ZC2HC1A: variants seen among roughly 807,000 people sequenced by gnomAD.
The protein encoded by ZC2HC1A is zinc finger C2HC domain-containing protein 1A.
In ZC2HC1A, 28 loss-of-function variants were observed where a neutral mutation model predicts 40.7. That is an observed-to-expected ratio of 0.69 (90% confidence interval 0.51 to 0.94). ZC2HC1A has a LOEUF of 0.94. Among genes scored for constraint, ZC2HC1A ranks in the 40% least tolerant of loss-of-function variants. The probability of loss-of-function intolerance (pLI) is 0.00; values close to 1 mark genes in which losing one functional copy is unlikely to be tolerated. For synonymous variants in ZC2HC1A, 129 were observed against 129.2 expected (o/e 1.00, Z 0.01); for missense variants, 389 against 386.3 (o/e 1.01, Z -0.06).
intron 1 of ZC2HC1A, among the ~76,000 whole-genome samples, chr8:78,672,085 A>C (rs2130416021): frequency 1.3e-5 from 2 of 152,276 alleles, no homozygotes; most frequent in Admixed American, 1.3e-4. Context: ...GAAGTTAGAT[A>C]ATGTAAGACA....
At chr8:78,690,442 C>A (rs1468632436) in intron 5 of ZC2HC1A, among the ~76,000 whole-genome samples, 2 of 151,958 alleles carry the variant, frequency 1.3e-5, no homozygotes, top group Non-Finnish European at 2.9e-5. Flanking sequence ...CGCCTGTAGT[C>A]CCAGCTACTT....
At chr8:78,667,131 A>G (rs887164676) in intron 1 of ZC2HC1A, among the ~76,000 whole-genome samples, 1 of 152,220 alleles carries the variant, frequency 6.6e-6, no homozygotes, top group Non-Finnish European at 1.5e-5. Context: ...GTTGCATGCC[A>G]GGGAGTAAAA....
At chr8:78,717,260 C>T (rs1811135533) in intron 8 of ZC2HC1A, 68 bp from the exon 9 acceptor site, 2 of 1,407,880 alleles carry the variant, frequency 1.4e-6, no homozygotes, top group Admixed American at 2.3e-5. Flanking sequence ...TGTCCTGTTT[C>T]TCCAGGGTTA....
At chr8:78,689,123 T>C (rs1810123210) in intron 4 of ZC2HC1A, 99 bp from the exon 5 acceptor site, 3 of 859,944 alleles carry the variant, frequency 3.5e-6, no homozygotes. Context: ...CAGATGTTAT[T>C]ACTTATATTT....
intron 5 of ZC2HC1A, among the ~76,000 whole-genome samples, chr8:78,695,603 G>C (rs1280290011): frequency 1.3e-5 from 2 of 152,024 alleles, no homozygotes; most frequent in East Asian, 1.9e-4. Flanking sequence ...GTTAGAGCTT[G>C]TTTTCCCTAT....
At chr8:78,678,724 A>G (rs764944686) in intron 3 of ZC2HC1A, 45 bp downstream of exon 3, 3 of 1,332,728 alleles carry the variant, frequency 2.3e-6, no homozygotes, top group African/African-American at 3.0e-5. Context: ...GGTGTTATGT[A>G]TGTTGAAAAA....
At chr8:78,709,741 A>G (rs955921439) in intron 7 of ZC2HC1A, among the ~76,000 whole-genome samples, 2 of 151,998 alleles carry the variant, frequency 1.3e-5, no homozygotes, top group Non-Finnish European at 2.9e-5. Context: ...AAAAAATTTC[A>G]TAATGTTTTA....
intron 7 of ZC2HC1A, among the ~76,000 whole-genome samples, chr8:78,706,577 G>A (rs1018087210): frequency 5.3e-5 from 8 of 151,998 alleles, no homozygotes; most frequent in African/African-American, 1.9e-4. Flanking sequence ...GCTCTGTGTC[G>A]CTCCAAGGTG....
At position 78,698,513 on chromosome 8, in the gene ZC2HC1A, G is replaced by A; in HGVS notation, c.704G>A (p.Gly235Glu). The A allele has an allele frequency of 6.3e-7, 1 of 1,596,112 alleles. No homozygotes were observed. Among genetic ancestry groups the A allele is most frequent in the Non-Finnish European group, 8.6e-7 (1 of 1,167,106 alleles). The change falls in exon 7 of 9, where the codon GGA (glycine) becomes GAA (glutamate). Residue 235 changes from glycine to glutamate, a missense_variant and splice_region_variant. By Grantham distance (98) the Gly-to-Glu change is moderately conservative. Coordinates refer to ENST00000263849, the MANE Select transcript of ZC2HC1A (RefSeq NM_016010.3). ...SHKGIAAPHAGANVKPRNSTP... is the reference protein window; with the variant it reads ...SHKGIAAPHAEANVKPRNSTP... ...AAAGGGATAGCAGCCCCTCATGCAG[G>A]GTAAGTCTACACTGGATATAATTAT...
intron 3 of ZC2HC1A, among the ~76,000 whole-genome samples, chr8:78,684,359 G>A (rs1435943647): frequency 4.6e-5 from 7 of 152,214 alleles, no homozygotes; most frequent in Non-Finnish European, 7.3e-5. Flanking sequence ...AGGCAAGAGC[G>A]TGTGTGCAGG....
chr8:78,678,570 A>G lies in ZC2HC1A; in HGVS notation c.101A>G (p.His34Arg). ...ATTTCTTTATCTTAACAGAAAAAAC[A>G]TGGACCCATTTGCCAGAAGACTGCA... ...RTFFPVALKK[H>R]GPICQKTATK... The change falls in exon 3 of 9, where the codon CAT becomes CGT. Residue 34 changes from histidine (H) to arginine (R), a missense_variant. Coordinates refer to ENST00000263849, the MANE Select transcript of ZC2HC1A (RefSeq NM_016010.3). The G allele has an allele frequency of 6.2e-7, 1 of 1,609,240 alleles. No individual in the cohort carries two copies. Among genetic ancestry groups the G allele is most frequent in the Non-Finnish European group, 8.5e-7 (1 of 1,178,318 alleles).
chr8:78,692,867 G>T (rs1363980025), intron 5 of ZC2HC1A, among the ~76,000 whole-genome samples: 1 of 151,982 alleles, frequency 6.6e-6, no homozygotes, highest in East Asian at 1.9e-4. Flanking sequence ...ATCTCCTAAT[G>T]CTATCCCTCC....
rs1019461343 is a variant in ZC2HC1A at position 78,686,198 on chromosome 8, T to C, written c.211-269T>C. On this transcript the variant is annotated intron_variant, in intron 3 of 8. Transcript: ENST00000263849. The stretch of plus-strand genomic sequence containing the variant: ...GGAACATTGAACCACAGCAACAGTC[T>C]TAGTGGGAGGATAAATAGATGTAAC... Among the ~76,000 whole-genome samples, 4 of 152,118 alleles carry C rather than the reference T, an allele frequency of 2.6e-5. No homozygotes were observed. In the East Asian group the frequency reaches 7.7e-4, roughly 29 times the overall value.
chr8:78,716,413 G>A (rs1037806802), intron 8 of ZC2HC1A, among the ~76,000 whole-genome samples: 3 of 151,946 alleles, frequency 2.0e-5, no homozygotes, highest in Non-Finnish European at 2.9e-5. Context: ...GTGAGCCACC[G>A]CACCCGGCCT....
chr8:78,715,160 A>T, intron 7 of ZC2HC1A, 61 bp from the exon 8 acceptor site: 1 of 1,435,340 alleles, frequency 7.0e-7, no homozygotes, highest in South Asian at 1.3e-5. Context: ...GTGAATAGGT[A>T]ATTTGAGAAA....
chr8:78,679,428 A>G (rs1809691055), intron 3 of ZC2HC1A: 1 of 152,194 alleles, frequency 6.6e-6, no homozygotes, highest in South Asian at 2.1e-4. Context: ...ATTACTTATA[A>G]TTTAATGCTA....
chr8:78,687,945 A>T (rs1810076490), intron 4 of ZC2HC1A, among the ~76,000 whole-genome samples: 1 of 143,558 alleles, frequency 7.0e-6, no homozygotes, highest in African/African-American at 2.5e-5. Context: ...ATTTTTATAT[A>T]TAAACTATAT....
intron 3 of ZC2HC1A, among the ~76,000 whole-genome samples, chr8:78,685,254 C>A (rs200592989): frequency 0.03 from 533 of 17,556 alleles, 4 homozygotes; most frequent in African/African-American, 0.045. Flanking sequence ...ACTGCATAGC[C>A]ATGTTAAAAA....
Position 78,687,819 on chromosome 8 carries a change from A to G in ZC2HC1A, c.352+1211A>G, listed in dbSNP as rs1179914242. On this transcript the variant is annotated intron_variant, in intron 4 of 8. Transcript: ENST00000263849. ...TTATATATATTCATGTAATAAATAT[A>G]TATATTCATGTAATAAATTATATAT... Among the ~76,000 whole-genome samples the G allele has an allele frequency of 1.0e-3, 130 of 130,060 alleles. 2 individuals are homozygous for G. The highest frequency in any genetic ancestry group is 1.7e-3 in the Non-Finnish European group (110 of 63,650). 85.3% of individuals were successfully genotyped at this position (130,060 alleles called of 152,430 possible). A position where few individuals can be genotyped will look rare whatever the true frequency, so the allele number is the denominator to read the frequency against.
Sources: gnomAD v4.1 joint callset for allele counts (sites outside exome capture counted in the v4.1 genomes callset) on GRCh38, gnomAD v4.1.1 for gene constraint, MANE v1.5 for transcripts, NCBI Gene and HGNC (gene_info 2026-07-23, HGNC 2026-07-21) for gene names.